Variants in CRCP observed in about 807,000 individuals in gnomAD.
CRCP encodes the protein CGRP receptor component, also known as DNA-directed RNA polymerase III subunit RPC9.
CRCP carries 18 observed loss-of-function variants against 18.5 expected under a neutral mutation model. The observed-to-expected ratio is 0.97, with a 90% CI of 0.67 to 1.44. The LOEUF (loss-of-function observed/expected upper bound fraction) is 1.44, where lower values mean the gene tolerates loss of function less well. Among genes scored for constraint, CRCP ranks in the 40% most tolerant of loss-of-function variants. The pLI is 0.00. For missense variants in CRCP, 130 were observed against 176.4 expected (o/e 0.74, Z 1.49); for synonymous variants, 53 against 62.9 (o/e 0.84, Z 0.75).
At chr7:66,133,166 A>G (rs1008128530) in intron 3 of CRCP, among the ~76,000 whole-genome samples, 7 of 152,100 alleles carry the variant, frequency 4.6e-5, no homozygotes, top group African/African-American at 1.7e-4. Context: ...TCTTTCCTGC[A>G]GTAGTTATGA....
In CRCP at chr7:66,152,515, T is replaced by A. The variant is rs1319407054; in HGVS notation, c.*158T>A. On this transcript the variant is annotated 3_prime_UTR_variant, in exon 6 of 6. Coordinates refer to ENST00000395326, the MANE Select transcript of CRCP (RefSeq NM_014478.5). Reference sequence around the variant, plus strand: ...CACAAAAATAAGTTAAAAAGAAATATTTGTGCCTTGGGGAGAAGAAACATG... The same window carrying A: ...CACAAAAATAAGTTAAAAAGAAATAATTGTGCCTTGGGGAGAAGAAACATG... 1.3e-6 allele frequency: 1 copy of A among 774,940 alleles called. No homozygotes were observed. The highest frequency in any genetic ancestry group is 1.9e-5 in the South Asian group (1 of 53,998). The allele number at this position is 774,940 out of a possible 1,614,324, so 48.0% of individuals were successfully genotyped here. A position where few individuals can be genotyped will look rare whatever the true frequency, so the allele number is the denominator to read the frequency against.
At chr7:66,129,761 T>C (rs1455780254) in intron 2 of CRCP, among the ~76,000 whole-genome samples, 5 of 152,284 alleles carry the variant, frequency 3.3e-5, no homozygotes, top group South Asian at 2.1e-4. Flanking sequence ...GTTTTATCCA[T>C]TGGGGAAACA....
chr7:66,128,374 G>A (rs895730685), intron 2 of CRCP, among the ~76,000 whole-genome samples: 10 of 152,122 alleles, frequency 6.6e-5, no homozygotes, highest in Non-Finnish European at 1.2e-4. Context: ...GGCTGTTTCT[G>A]TCTGCAGAAT....
At chr7:66,140,575 A>G (rs1022158374) in intron 4 of CRCP, among the ~76,000 whole-genome samples, 4 of 151,980 alleles carry the variant, frequency 2.6e-5, no homozygotes, top group African/African-American at 4.8e-5. Context: ...TATTTTTAGT[A>G]GAGACGGGGT....
intron 4 of CRCP, among the ~76,000 whole-genome samples, chr7:66,140,395 C>CA (rs1562769632): frequency 2.1e-5 from 3 of 142,840 alleles, no homozygotes; most frequent in Non-Finnish European, 4.6e-5. Flanking sequence ...CTTTTCTTTT[C>CA]TTTTTTTTTT....
intron 4 of CRCP, among the ~76,000 whole-genome samples, chr7:66,144,743 G>T (rs1441745765): frequency 1.3e-5 from 2 of 152,196 alleles, no homozygotes; most frequent in Non-Finnish European, 2.9e-5. Flanking sequence ...CTCCCAAAGT[G>T]CTGGGATTAC....
intron 3 of CRCP, among the ~76,000 whole-genome samples, chr7:66,132,505 G>T (rs938770676): frequency 6.6e-6 from 1 of 152,154 alleles, no homozygotes. Flanking sequence ...ATTTCTGGGG[G>T]TACATGATAT....
At chr7:66,147,028 A>G (rs556997045) in intron 5 of CRCP, among the ~76,000 whole-genome samples, 2 of 151,982 alleles carry the variant, frequency 1.3e-5, no homozygotes, top group East Asian at 3.9e-4. Flanking sequence ...TACTTGGGGG[A>G]AGATTTGCTG....
chr7:66,114,925 TTGTC>T lies in CRCP; in HGVS notation c.-35_-32del, dbSNP rs1787207501. ...AGACAGCTGTGAAGTGTGAGGTTCT[TTGTC>T]TGCTGGCAGCTAGGGGCGACGAGGC... On this transcript the variant is annotated 5_prime_UTR_variant, in exon 1 of 6. Transcript: ENST00000395326. The T allele has an allele frequency of 6.2e-7, 1 of 1,611,444 alleles. No individual in the cohort carries two copies. The highest frequency in any genetic ancestry group is 1.7e-5 in the Admixed American group (1 of 59,882).
intron 1 of CRCP, among the ~76,000 whole-genome samples, chr7:66,124,846 G>A (rs912040837): frequency 6.7e-6 from 1 of 149,134 alleles, no homozygotes; most frequent in African/African-American, 2.4e-5. Flanking sequence ...AGGAAACTTA[G>A]CGATGATAAT....
rs766154326 is a variant in CRCP, at chr7:66,154,486, T to G, written c.*2129T>G. 1.3e-5 allele frequency: 2 copies of G among 152,270 alleles called. No individual in the cohort carries two copies. Among genetic ancestry groups the G allele is most frequent in the Non-Finnish European group, 2.9e-5 (2 of 68,022 alleles). 9.4% of individuals were successfully genotyped at this position (152,270 alleles called of 1,614,324 possible). A position where few individuals can be genotyped will look rare whatever the true frequency, so the allele number is the denominator to read the frequency against. On this transcript the variant is annotated 3_prime_UTR_variant, in exon 6 of 6. Coordinates refer to ENST00000395326, the MANE Select transcript of CRCP (RefSeq NM_014478.5). ...TTAATAATAAATTGTTTCCAGGTAA[T>G]TATCAAGTTTTGTCATTTTATAAAT... is the stretch of plus-strand genomic sequence containing the variant.
Position 66,151,671 on chromosome 7 carries a change from C to CTGTGTG in CRCP, c.298-536_298-535insGTGTGT, listed in dbSNP as rs1413679351. ...CATATGCAACCTGTTCACCACTTCT[C>CTGTGTG]TCTGTGTGTGTGTGTGTGTGTGTGT... On this transcript the variant is annotated intron_variant, in intron 5 of 5. Coordinates refer to ENST00000395326, the MANE Select transcript of CRCP (RefSeq NM_014478.5). 2.8e-3 allele frequency among the ~76,000 whole-genome samples: 114 copies of CTGTGTG among 40,286 alleles called. 1 individual carries two copies. The highest frequency in any genetic ancestry group is 6.6e-3 in the South Asian group (7 of 1,060). The allele number at this position is 40,286 out of a possible 152,430, so 26.4% of individuals were successfully genotyped here. A position where few individuals can be genotyped will look rare whatever the true frequency, so the allele number is the denominator to read the frequency against.
intron 1 of CRCP, among the ~76,000 whole-genome samples, chr7:66,116,781 TC>T (rs1397714915): frequency 2.6e-5 from 4 of 152,086 alleles, no homozygotes; most frequent in African/African-American, 7.2e-5. Flanking sequence ...TCTCAGCCAT[TC>T]TGTTGGGCTT....
chr7:66,141,599 T>C (rs1362056659), intron 4 of CRCP, among the ~76,000 whole-genome samples: 2 of 151,906 alleles, frequency 1.3e-5, no homozygotes, highest in East Asian at 3.9e-4. Flanking sequence ...GAGAGTCGGA[T>C]CAGGAAAGAA....
intron 1 of CRCP, among the ~76,000 whole-genome samples, chr7:66,119,416 T>C (rs1382574496): frequency 1.3e-5 from 2 of 152,170 alleles, no homozygotes; most frequent in Non-Finnish European, 2.9e-5. Context: ...AGCAAATTAA[T>C]GAAGCCTAAA....
chr7:66,129,751 G>A (rs1462060645), intron 2 of CRCP, among the ~76,000 whole-genome samples: 1 of 152,094 alleles, frequency 6.6e-6, no homozygotes, highest in Non-Finnish European at 1.5e-5. Flanking sequence ...GTGTTTGGGT[G>A]TTTTATCCAT....
chr7:66,132,967 T>C (rs1787854033), intron 3 of CRCP, among the ~76,000 whole-genome samples: 1 of 152,022 alleles, frequency 6.6e-6, no homozygotes, highest in Admixed American at 6.6e-5. Flanking sequence ...TTAGCCCATA[T>C]TCAAGGGGAA....
chr7:66,123,616 C>T (rs1787517657), intron 1 of CRCP, among the ~76,000 whole-genome samples: 1 of 151,980 alleles, frequency 6.6e-6, no homozygotes, highest in Non-Finnish European at 1.5e-5. Flanking sequence ...GGTGTGGTGG[C>T]TCATGCCTGT....
chr7:66,120,887 T>G (rs1300946811), intron 1 of CRCP, among the ~76,000 whole-genome samples: 8 of 151,988 alleles, frequency 5.3e-5, no homozygotes, highest in East Asian at 3.9e-4. Context: ...GGGACCAATC[T>G]CCAGTGAATA....
Sources: gnomAD v4.1 joint callset for allele counts (sites outside exome capture counted in the v4.1 genomes callset) on GRCh38, gnomAD v4.1.1 for gene constraint, MANE v1.5 for transcripts, NCBI Gene and HGNC (gene_info 2026-07-23, HGNC 2026-07-21) for gene names.